Variants in GUCY1A2 observed in about 807,000 individuals in gnomAD.
The protein encoded by GUCY1A2 is guanylate cyclase soluble subunit alpha-2.
A neutral mutation model predicts 63.5 loss-of-function variants in GUCY1A2; 27 were observed. The ratio of observed to expected loss-of-function variants is 0.43; its 90% confidence interval spans 0.31 to 0.59. The LOEUF (loss-of-function observed/expected upper bound fraction) is 0.59, where lower values mean the gene tolerates loss of function less well. Among genes scored for constraint, GUCY1A2 ranks in the 20% least tolerant of loss-of-function variants. GUCY1A2 has a pLI of 0.11. For synonymous variants in GUCY1A2, 364 were observed against 343.5 expected, an observed-to-expected ratio of 1.06 and a Z score of -0.66; for missense variants, 768 against 913.3, an observed-to-expected ratio of 0.84 and a Z score of 2.05.
intron 4 of GUCY1A2, among the ~76,000 whole-genome samples, chr11:106,929,222 C>T (rs1422229318): frequency 1.3e-5 from 2 of 152,154 alleles, no homozygotes; most frequent in Non-Finnish European, 2.9e-5. Context: ...TCTTATAAAG[C>T]ACTCTTACAA....
intron 7 of GUCY1A2, among the ~76,000 whole-genome samples, chr11:106,693,877 T>C (rs11211865): frequency 0.093 from 14,195 of 152,184 alleles, 893 homozygotes; most frequent in Non-Finnish European, 0.14. Flanking sequence ...CTCTATATTG[T>C]CTCTTTTTCC....
chr11:106,877,071 G>T (rs544501390), intron 4 of GUCY1A2, among the ~76,000 whole-genome samples: 9 of 152,146 alleles, frequency 5.9e-5, no homozygotes, highest in Non-Finnish European at 1.0e-4. Context: ...CGTAAGCAAA[G>T]GACACAAGCA....
intron 5 of GUCY1A2, among the ~76,000 whole-genome samples, chr11:106,802,939 C>G (rs1023624070): frequency 9.9e-5 from 15 of 152,050 alleles, no homozygotes; most frequent in African/African-American, 3.6e-4. Flanking sequence ...TTGTAAAAAT[C>G]AAAAACACCA....
At chr11:106,791,163 G>A (rs750275353) in intron 5 of GUCY1A2, among the ~76,000 whole-genome samples, 19 of 152,160 alleles carry the variant, frequency 1.2e-4, no homozygotes, top group Non-Finnish European at 2.6e-4. Context: ...CACTGGCATG[G>A]GTGATTCCCC....
At position 106,964,993 on chromosome 11, in the gene GUCY1A2, T is replaced by A. The variant is rs546529333; in HGVS notation, c.487+13626A>T. Among the ~76,000 whole-genome samples the A allele has an allele frequency of 5.3e-5, 8 of 151,678 alleles. No homozygotes were observed. In the East Asian group the frequency reaches 1.6e-3, roughly 29 times the overall value. ...AGACTCCATCTCAAAAAAAGAAAAA[T>A]ATATATTTTTTAATTCAGGGAGTTG... On this transcript the variant is annotated intron_variant, in intron 3 of 7. Transcript: ENST00000526355.
chr11:106,935,297 A>G (rs1402165860), intron 4 of GUCY1A2, among the ~76,000 whole-genome samples: 1 of 152,202 alleles, frequency 6.6e-6, no homozygotes, highest in Non-Finnish European at 1.5e-5. Flanking sequence ...AACACAACTA[A>G]TAATAGCAGT....
chr11:106,925,811 G>C (rs1426016677), intron 4 of GUCY1A2, among the ~76,000 whole-genome samples: 1 of 152,046 alleles, frequency 6.6e-6, no homozygotes, highest in Non-Finnish European at 1.5e-5. Flanking sequence ...GCCATTCCAA[G>C]AAAAATCAAT....
chr11:106,716,280 T>C (rs577360151), intron 6 of GUCY1A2, among the ~76,000 whole-genome samples: 1 of 152,168 alleles, frequency 6.6e-6, no homozygotes, highest in South Asian at 2.1e-4. Context: ...ACATTCTGGG[T>C]TGGATAATGC....
intron 1 of GUCY1A2, among the ~76,000 whole-genome samples, chr11:107,009,224 T>C (rs755049719): frequency 3.3e-5 from 5 of 152,140 alleles, no homozygotes; most frequent in Non-Finnish European, 5.9e-5. Context: ...GTTTGAGAGG[T>C]GGCCCTATAT....
intron 3 of GUCY1A2, among the ~76,000 whole-genome samples, chr11:106,973,506 T>C (rs1861223159): frequency 6.6e-6 from 1 of 151,998 alleles, no homozygotes; most frequent in Admixed American, 6.6e-5. Flanking sequence ...CAAGCAAGTA[T>C]CCCAAGTACA....
At chr11:106,966,172 A>G (rs1370142422) in intron 3 of GUCY1A2, among the ~76,000 whole-genome samples, 1 of 152,068 alleles carries the variant, frequency 6.6e-6, no homozygotes, top group Non-Finnish European at 1.5e-5. Flanking sequence ...CAGTGGCACC[A>G]TGTCGGCTCA....
rs1862542559 is a variant in GUCY1A2, at chr11:106,687,281, A to ACC, written c.*266_*267dup. On this transcript the variant is annotated 3_prime_UTR_variant, in exon 8 of 8. Coordinates refer to ENST00000526355, the MANE Select transcript of GUCY1A2 (RefSeq NM_000855.3). The stretch of plus-strand genomic sequence containing the variant: ...ATTTATTGGTTAGTTCTGAAAGGGG[A>ACC]CCCACACTTGTAATTAAAATATATG... The ACC allele has an allele frequency of 2.6e-6, 1 of 384,622 alleles. No individual in the cohort carries two copies. The highest frequency in any genetic ancestry group is 4.1e-5 in the Admixed American group (1 of 24,414). 23.8% of individuals were successfully genotyped at this position (384,622 alleles called of 1,614,324 possible).
intron 6 of GUCY1A2, among the ~76,000 whole-genome samples, chr11:106,771,839 C>A (rs568090647): frequency 8.3e-4 from 126 of 152,162 alleles, no homozygotes; most frequent in African/African-American, 2.8e-3. Flanking sequence ...TATTTTCAGC[C>A]AGCAGAAGAA....
intron 5 of GUCY1A2, among the ~76,000 whole-genome samples, chr11:106,793,561 G>C (rs1407705841): frequency 6.6e-6 from 1 of 151,800 alleles, no homozygotes; most frequent in Non-Finnish European, 1.5e-5. Flanking sequence ...TAATGAAAAA[G>C]GCAACCTACA....
intron 4 of GUCY1A2, among the ~76,000 whole-genome samples, chr11:106,810,827 A>G (rs1157300512): frequency 6.6e-6 from 1 of 152,168 alleles, no homozygotes; most frequent in Non-Finnish European, 1.5e-5. Context: ...CCTACTAAAT[A>G]ATAATGAAAA....
chr11:106,958,401 T>TG (rs1325831508), intron 3 of GUCY1A2, among the ~76,000 whole-genome samples: 2 of 152,198 alleles, frequency 1.3e-5, no homozygotes, highest in African/African-American at 4.8e-5. Context: ...TTCTTGCATG[T>TG]GGGGCAAAAT....
intron 1 of GUCY1A2, among the ~76,000 whole-genome samples, chr11:106,987,863 C>G (rs1051781765): frequency 6.6e-6 from 1 of 152,128 alleles, no homozygotes; most frequent in Non-Finnish European, 1.5e-5. Context: ...GAGATCTACT[C>G]TACATTACCA....
intron 4 of GUCY1A2, among the ~76,000 whole-genome samples, chr11:106,867,271 G>A (rs777797997): frequency 3.3e-5 from 5 of 151,990 alleles, no homozygotes; most frequent in Non-Finnish European, 7.4e-5. Context: ...AAATAAAAGA[G>A]ACATAAAGAT....
chr11:106,986,935 C>T (rs1982496), intron 1 of GUCY1A2, among the ~76,000 whole-genome samples: 23,172 of 152,054 alleles, frequency 0.15, 2,109 homozygotes, highest in South Asian at 0.27. Flanking sequence ...TTCTTAATCC[C>T]AGATCAAGAA....
Sources: gnomAD v4.1 joint callset for allele counts (sites outside exome capture counted in the v4.1 genomes callset) on GRCh38, gnomAD v4.1.1 for gene constraint, MANE v1.5 for transcripts, NCBI Gene and HGNC (gene_info 2026-07-23, HGNC 2026-07-21) for gene names.